The following NABP2 variants were observed in gnomAD, a reference collection of about 807,000 sequenced individuals.
The protein encoded by NABP2 is nucleic acid binding protein 2.
A neutral mutation model predicts 22.7 loss-of-function variants in NABP2; 7 were observed. The ratio of observed to expected loss-of-function variants is 0.31; its 90% CI spans 0.18 to 0.58. The LOEUF is 0.58. NABP2 is among the 20% of genes least tolerant of loss of function. The probability of loss-of-function intolerance (pLI) is 0.89; values close to 1 mark genes in which losing one functional copy is unlikely to be tolerated. For missense variants in NABP2, 188 were observed against 265.9 expected (o/e 0.71, Z 2.04); for synonymous variants, 107 against 99.2 (o/e 1.08, Z -0.47).
Position 56,225,703 on chromosome 12 carries a change from C to T in NABP2, c.290+8C>T. 1 of 1,614,084 alleles carries T rather than the reference C, an allele frequency of 6.2e-7. No individual in the cohort carries two copies. The highest frequency in any genetic ancestry group is 8.5e-7 in the Non-Finnish European group (1 of 1,179,960). On this transcript the variant is annotated splice_region_variant and intron_variant, in intron 4 of 6. Coordinates refer to ENST00000267023, the MANE Select transcript of NABP2 (RefSeq NM_024068.4). ...TCTGCAGAAGATTGGAGAGTAAGTG[C>T]TGTCTTGGGGATTGGGATGAAGAAG...
At chr12:56,223,542 A>G (rs1206332004), upstream of NABP2, 1 of 152,006 alleles carries the variant, frequency 6.6e-6, no homozygotes, top group African/African-American at 2.4e-5. Flanking sequence ...GTTTCAAAAA[A>G]AAAAAAAAAA....
upstream of NABP2, chr12:56,224,271 GA>G (rs1869650670): frequency 2.1e-6 from 2 of 952,108 alleles, no homozygotes; most frequent in South Asian, 9.7e-5. Context: ...CAGGCGGCGG[GA>G]CGCAGGGCGC....
chr12:56,223,720 C>T (rs993826558), upstream of NABP2: 1 of 152,132 alleles, frequency 6.6e-6, no homozygotes, highest in African/African-American at 2.4e-5. Flanking sequence ...ACGGTTAGAG[C>T]AATAAAAAGG....
chr12:56,226,322 G>C (rs1438015166), intron 5 of NABP2, 34 bp from the exon 6 acceptor site: 7 of 1,613,884 alleles, frequency 4.3e-6, no homozygotes, highest in Non-Finnish European at 5.9e-6. Flanking sequence ...GCATGGGAGG[G>C]AGCAGGATCT....
In NABP2 at chr12:56,226,408, C is replaced by T. The variant is rs1565951119; in HGVS notation, c.425C>T (p.Ala142Val). The change falls in exon 6 of 7, where the codon GCT becomes GTT. Residue 142 changes from alanine (A) to valine (V), a missense_variant. Transcript: ENST00000267023. Reference protein sequence around the residue: ...SASQPTTGPSAASPASENQNG... With the variant: ...SASQPTTGPSVASPASENQNG... ...TCCCAGCCTACCACTGGACCCTCTG[C>T]TGCCTCTCCAGGTAAATCTGTTCCC... is the stretch of plus-strand genomic sequence containing the variant. The T allele has an allele frequency of 6.2e-7, 1 of 1,613,250 alleles. No individual in the cohort carries two copies. The highest frequency in any genetic ancestry group is 8.5e-7 in the Non-Finnish European group (1 of 1,179,986).
chr12:56,228,097 C>T (rs1869861965), intron 6 of NABP2, among the ~76,000 whole-genome samples: 1 of 151,988 alleles, frequency 6.6e-6, no homozygotes, highest in Non-Finnish European at 1.5e-5. Context: ...GAGGCTGAGG[C>T]AGAAGAATTG....
intron 4 of NABP2, 89 bp downstream of exon 4, chr12:56,225,784 A>G (rs1242538964): frequency 3.1e-6 from 4 of 1,298,516 alleles, no homozygotes; most frequent in Non-Finnish European, 4.4e-6. Context: ...TCCAAGCCTC[A>G]TTTCTGGACT....
At chr12:56,226,881 G>A (rs1334565707) in intron 6 of NABP2, among the ~76,000 whole-genome samples, 1 of 151,422 alleles carries the variant, frequency 6.6e-6, no homozygotes, top group Non-Finnish European at 1.5e-5. Flanking sequence ...ACGCCACCAT[G>A]CCCTGCTAAT....
intron 6 of NABP2, 141 bp downstream of exon 6, chr12:56,226,560 T>A: frequency 2.1e-6 from 1 of 465,138 alleles, no homozygotes; most frequent in East Asian, 4.3e-5. Context: ...CAGACCCCTT[T>A]TTTTTTTTTT....
chr12:56,224,811 T>A (rs778116361), intron 1 of NABP2, 23 bp from the exon 2 acceptor site: 11 of 1,599,768 alleles, frequency 6.9e-6, no homozygotes, highest in Non-Finnish European at 6.0e-6. Flanking sequence ...GCATTGAGCC[T>A]TCATCCTCTA....
Position 56,224,816 on chromosome 12 carries a change from C to T in NABP2, c.-23-18C>T, listed in dbSNP as rs370541145. The T allele has an allele frequency of 1.7e-5, 28 of 1,603,296 alleles. No individual in the cohort carries two copies. In the African/African-American group the frequency reaches 2.8e-4, roughly 16 times the overall value. On this transcript the variant is annotated intron_variant, in intron 1 of 6. Coordinates refer to ENST00000267023, the MANE Select transcript of NABP2 (RefSeq NM_024068.4). ...AAGGATCCAAGCATTGAGCCTTCAT[C>T]CTCTATTCCCCATCCAGTGGGGTGC...
chr12:56,229,087 T>TTCCCCAC lies in NABP2; in HGVS notation c.510_511insTCCCCAC (p.Pro171SerfsTer32). ...GTGGTGGCCCACATCCCCCTCATAC[T>TTCCCCAC]CCCTCCCACCCACCCAGCACCCGAA... On this transcript the variant is annotated frameshift_variant, in exon 7 of 7. Transcript: ENST00000267023. LOFTEE classifies it high-confidence loss of function. 6.6e-7 allele frequency: 1 copy of TTCCCCAC among 1,512,346 alleles called. No individual in the cohort carries two copies. Among genetic ancestry groups the TTCCCCAC allele is most frequent in the Non-Finnish European group, 9.1e-7 (1 of 1,102,014 alleles). 93.7% of individuals were successfully genotyped at this position (1,512,346 alleles called of 1,614,324 possible).
At position 56,224,965 on chromosome 12, in the gene NABP2, G is replaced by C. The variant is rs778633333; in HGVS notation, c.79+30G>C. 5.7e-6 allele frequency: 8 copies of C among 1,401,248 alleles called. No individual in the cohort carries two copies. The South Asian group carries it at 8.1e-5, about 14-fold the overall frequency. 86.8% of individuals were successfully genotyped at this position (1,401,248 alleles called of 1,614,324 possible). A position where few individuals can be genotyped will look rare whatever the true frequency, so the allele number is the denominator to read the frequency against. On this transcript the variant is annotated intron_variant, in intron 2 of 6. Transcript: ENST00000267023. The stretch of plus-strand genomic sequence containing the variant: ...CTATACTGGGGTGGCGGGTTCGCGG[G>C]ATGGGGGTCGGGGGCAGGAGGGGAA...
At chr12:56,224,560 C>T (rs1407451335) in intron 1 of NABP2, 119 bp downstream of exon 1, 2 of 1,220,862 alleles carry the variant, frequency 1.6e-6, no homozygotes, top group South Asian at 2.2e-5. Context: ...GGGTTCCCTA[C>T]CCCTGTCTAC....
chr12:56,226,515 C>A, intron 6 of NABP2, 96 bp downstream of exon 6: 1 of 931,026 alleles, frequency 1.1e-6, no homozygotes, highest in Non-Finnish European at 1.7e-6. Context: ...CCAAATCTCT[C>A]TTTTCTCAGT....
At chr12:56,225,783 C>A (rs1192487145) in intron 4 of NABP2, 88 bp downstream of exon 4, 5 of 1,290,766 alleles carry the variant, frequency 3.9e-6, no homozygotes, top group Non-Finnish European at 4.5e-6. Flanking sequence ...GTCCAAGCCT[C>A]ATTTCTGGAC....
At chr12:56,226,079 G>T in intron 4 of NABP2, 100 bp from the exon 5 acceptor site, 2 of 1,036,102 alleles carry the variant, frequency 1.9e-6, no homozygotes, top group African/African-American at 1.6e-5. Context: ...TAGGATTACA[G>T]GTGTGAGTGA....
rs1322632306 is a variant in NABP2, at chr12:56,229,157, C to T, written c.580C>T (p.Pro194Ser). The T allele has an allele frequency of 1.2e-6, 2 of 1,607,400 alleles. No homozygotes were observed. The change falls in exon 7 of 7, where the codon CCT (proline) becomes TCT (serine). Residue 194 changes from proline (P) to serine (S), a missense_variant. Pro to Ser is a moderately conservative substitution (Grantham distance 74, BLOSUM62 -1). Coordinates refer to ENST00000267023, the MANE Select transcript of NABP2 (RefSeq NM_024068.4). ...CCACACACCTGCAGGCCCGCCTGGC[C>T]CTTCCAGCAACCCTGTTAGTAACGG... ...PNHTPAGPPG[P>S]SSNPVSNGKE...
intron 6 of NABP2, among the ~76,000 whole-genome samples, chr12:56,227,016 G>A (rs964204649): frequency 2.7e-5 from 4 of 147,650 alleles, no homozygotes; most frequent in Admixed American, 1.3e-4. Flanking sequence ...GAGCCACCGC[G>A]CCCAGCCATG....
Sources: gnomAD v4.1 joint callset for allele counts (sites outside exome capture counted in the v4.1 genomes callset) on GRCh38, gnomAD v4.1.1 for gene constraint, MANE v1.5 for transcripts, NCBI Gene and HGNC (gene_info 2026-07-23, HGNC 2026-07-21) for gene names.